The following ERCC6L2 variants were observed in gnomAD, a reference collection of about 807,000 sequenced individuals.
ERCC6L2 encodes DNA excision repair protein ERCC-6-like 2.
A neutral mutation model predicts 132.0 loss-of-function variants in ERCC6L2; 77 were observed. The observed-to-expected ratio is 0.58, with a 90% CI of 0.49 to 0.71. The LOEUF (loss-of-function observed/expected upper bound fraction) is 0.71, where lower values mean the gene tolerates loss of function less well. ERCC6L2 is among the 30% of genes least tolerant of loss of function. ERCC6L2 has a pLI of 0.00. For missense variants in ERCC6L2, 1,542 were observed against 1,837.6 expected (o/e 0.84, Z 2.94); for synonymous variants, 583 against 632.4 (o/e 0.92, Z 1.17).
rs113996992 is a variant in ERCC6L2, at chr9:95,906,070, G to A, written c.595-1008G>A. ...GTACAGGAAAGGTACATGAATGTGA[G>A]GAATAACCAGAGAGTTACGTTGGTA... On this transcript the variant is annotated intron_variant, in intron 3 of 18. Coordinates refer to ENST00000653738, the MANE Select transcript of ERCC6L2 (RefSeq NM_020207.7). Among the ~76,000 whole-genome samples the A allele has an allele frequency of 5.2e-3, 791 of 152,242 alleles. 12 individuals carry two copies. The highest frequency in any genetic ancestry group is 0.017 in the African/African-American group (706 of 41,562).
intron 16 of ERCC6L2, among the ~76,000 whole-genome samples, chr9:95,977,299 G>A (rs1832713433): frequency 6.6e-6 from 1 of 152,170 alleles, no homozygotes; most frequent in South Asian, 2.1e-4. Context: ...TTTTGTGTTT[G>A]CATGATTGGC....
intron 3 of ERCC6L2, among the ~76,000 whole-genome samples, chr9:95,901,379 A>G (rs1333325403): frequency 6.6e-6 from 1 of 152,132 alleles, no homozygotes; most frequent in African/African-American, 2.4e-5. Context: ...TTTGCTTTAG[A>G]AAATATATAT....
At position 95,970,568 on chromosome 9, in the gene ERCC6L2, CATT is replaced by C. The variant is rs1832368545; in HGVS notation, c.2101-5_2101-3del. 2.3e-6 allele frequency: 3 copies of C among 1,301,160 alleles called. No homozygotes were observed. The highest frequency in any genetic ancestry group is 3.0e-6 in the Non-Finnish European group (3 of 986,716). 80.6% of individuals were successfully genotyped at this position (1,301,160 alleles called of 1,614,324 possible). A position where few individuals can be genotyped will look rare whatever the true frequency, so the allele number is the denominator to read the frequency against. On this transcript the variant is annotated splice_polypyrimidine_tract_variant and splice_region_variant and intron_variant, in intron 14 of 18. Coordinates refer to ENST00000653738, the MANE Select transcript of ERCC6L2 (RefSeq NM_020207.7). The stretch of plus-strand genomic sequence containing the variant: ...AGCTATTTGCATTCTTTCTTACTGA[CATT>C]ATAGAGAGAAGGCCAAGTAGAAGCA...
rs1389042302 is a variant in ERCC6L2 at position 95,918,281 on chromosome 9, ATGT to A, written c.1158+1852_1158+1854del. 58 of 420,536 alleles carry A rather than the reference ATGT, an allele frequency of 1.4e-4. No individual in the cohort carries two copies. In the East Asian group the frequency reaches 1.5e-3, roughly 11 times the overall value. 26.1% of individuals were successfully genotyped at this position (420,536 alleles called of 1,614,324 possible). On this transcript the variant is annotated intron_variant, in intron 6 of 18. Coordinates refer to ENST00000653738, the MANE Select transcript of ERCC6L2 (RefSeq NM_020207.7). ...AAAGACCCACTACAGTGTAGCTGTG[ATGT>A]TGTTATTTGTCCTGATGTCAGTCTT...
rs1564276271 is a variant in ERCC6L2 at position 95,972,558 on chromosome 9, CT to C, written c.2808del (p.Val937Ter). 7.8e-7 allele frequency: 1 copy of C among 1,289,520 alleles called. No homozygotes were observed. Among genetic ancestry groups the C allele is most frequent in the Admixed American group, 2.3e-5 (1 of 43,466 alleles). 79.9% of individuals were successfully genotyped at this position (1,289,520 alleles called of 1,614,324 possible). A position where few individuals can be genotyped will look rare whatever the true frequency, so the allele number is the denominator to read the frequency against. ...EGSEDSETEH[T>X]VKTRNNDNSR... ...TCTGAGGATTCTGAAACAGAACACA[CT>C]GTAAAAACAAGAAATAATGATAATA... On this transcript the variant is annotated frameshift_variant, in exon 16 of 19. Coordinates refer to ENST00000653738, the MANE Select transcript of ERCC6L2 (RefSeq NM_020207.7). LOFTEE classifies it high-confidence loss of function.
Position 95,956,026 on chromosome 9 carries a change from C to T in ERCC6L2, c.1947+13C>T. ...GATATACAAGCAGGTAAATATGTTT[C>T]CCTTTTTCTGTTTCAGAGGTCAACA... On this transcript the variant is annotated intron_variant, in intron 13 of 18. Transcript: ENST00000653738. 1.3e-6 allele frequency: 2 copies of T among 1,484,840 alleles called. No homozygotes were observed. Among genetic ancestry groups the T allele is most frequent in the Non-Finnish European group, 1.8e-6 (2 of 1,085,316 alleles). 92.0% of individuals were successfully genotyped at this position (1,484,840 alleles called of 1,614,324 possible).
intron 15 of ERCC6L2, 111 bp from the exon 16 acceptor site, chr9:95,971,822 T>G (rs1832426301): frequency 6.9e-6 from 3 of 435,440 alleles, no homozygotes; most frequent in African/African-American, 2.1e-5. Flanking sequence ...TTAGAAAATA[T>G]TAAGTGATAT....
chr9:95,903,521 CT>C (rs1236174086), intron 3 of ERCC6L2, among the ~76,000 whole-genome samples: 5 of 151,736 alleles, frequency 3.3e-5, no homozygotes, highest in South Asian at 4.2e-4. Context: ...TTATTTACTT[CT>C]CTTTTTTAAT....
intron 2 of ERCC6L2, among the ~76,000 whole-genome samples, chr9:95,897,289 T>A (rs1028230128): frequency 6.6e-6 from 1 of 152,192 alleles, no homozygotes; most frequent in Non-Finnish European, 1.5e-5. Flanking sequence ...TTGCTCTAAT[T>A]TATTATATGA....
chr9:95,927,954 GA>G, intron 9 of ERCC6L2, 124 bp from the exon 10 acceptor site: 1 of 592,110 alleles, frequency 1.7e-6, no homozygotes. Flanking sequence ...AAAGGAATTA[GA>G]AAAAATGAAT....
chr9:96,017,638 T>A lies in ERCC6L2; in HGVS notation c.*4435T>A, dbSNP rs1834209924. 6.6e-6 allele frequency among the ~76,000 whole-genome samples: 1 copy of A among 152,200 alleles called. No individual in the cohort carries two copies. The highest frequency in any genetic ancestry group is 2.1e-4 in the South Asian group (1 of 4,828). On this transcript the variant is annotated 3_prime_UTR_variant, in exon 19 of 19. Coordinates refer to ENST00000653738, the MANE Select transcript of ERCC6L2 (RefSeq NM_020207.7). The stretch of plus-strand genomic sequence containing the variant: ...CTGGGCAGGACCCACCTGCCTGACC[T>A]TCTGTCCCCCTGGGACACAGTATTT...
At chr9:96,003,861 T>C (rs1833773148) in intron 17 of ERCC6L2, among the ~76,000 whole-genome samples, 1 of 152,256 alleles carries the variant, frequency 6.6e-6, no homozygotes, top group African/African-American at 2.4e-5. Context: ...TACCTATTCA[T>C]ACTGTATCAT....
intron 1 of ERCC6L2, among the ~76,000 whole-genome samples, chr9:95,878,836 T>G (rs1285668204): frequency 2.6e-5 from 4 of 151,730 alleles, no homozygotes; most frequent in African/African-American, 9.7e-5. Context: ...GGACATGAAC[T>G]CATCATTTTT....
In ERCC6L2 at chr9:96,012,310, GA is replaced by G. The variant is rs750286437; in HGVS notation, c.3762del (p.Glu1254AspfsTer6). On this transcript the variant is annotated frameshift_variant, in exon 19 of 19. Coordinates refer to ENST00000653738, the MANE Select transcript of ERCC6L2 (RefSeq NM_020207.7). LOFTEE classifies it low-confidence loss of function (END_TRUNC). Reference protein sequence around the residue: ...AKHITNATSEERQKMLRDFYA... With the variant: ...AKHITNATSEXRQKMLRDFYA... ...ACATATAACCAATGCCACATCAGAAGAACGACAGAAAATGCTAAGAGACTTT... is the reference window on the plus strand; with the variant it reads ...ACATATAACCAATGCCACATCAGAAGACGACAGAAAATGCTAAGAGACTTT... The G allele has an allele frequency of 1.0e-5, 14 of 1,355,032 alleles. No individual in the cohort carries two copies. The highest frequency in any genetic ancestry group is 3.0e-5 in the African/African-American group (2 of 67,562). The allele number at this position is 1,355,032 out of a possible 1,614,324, so 83.9% of individuals were successfully genotyped here. A position where few individuals can be genotyped will look rare whatever the true frequency, so the allele number is the denominator to read the frequency against.
At chr9:95,996,773 A>AT (rs1364213101) in intron 17 of ERCC6L2, among the ~76,000 whole-genome samples, 4 of 152,238 alleles carry the variant, frequency 2.6e-5, no homozygotes, top group African/African-American at 9.6e-5. Context: ...GCTACTCAGA[A>AT]AAGAAGATTC....
intron 14 of ERCC6L2, chr9:95,968,805 C>T (rs942176981): frequency 1.3e-5 from 2 of 151,892 alleles, no homozygotes; most frequent in Non-Finnish European, 2.9e-5. Flanking sequence ...GCTTTGCATA[C>T]ATAAAAGAAC....
intron 17 of ERCC6L2, among the ~76,000 whole-genome samples, chr9:95,999,895 A>AT (rs11315428): frequency 8.3e-4 from 118 of 142,524 alleles, no homozygotes; most frequent in South Asian, 1.1e-3. Flanking sequence ...TTAAGATACA[A>AT]TTTTTTTTTT....
intron 2 of ERCC6L2, among the ~76,000 whole-genome samples, chr9:95,887,197 T>TG (rs975214758): frequency 4.6e-5 from 7 of 150,894 alleles, no homozygotes; most frequent in South Asian, 2.1e-4. Context: ...GTAAGTGGGT[T>TG]GGGGGGGAGA....
downstream of ERCC6L2, chr9:96,021,385 TC>T (rs1338499140): frequency 1.0e-5 from 3 of 286,722 alleles, no homozygotes; most frequent in Admixed American, 1.5e-4. This position sits in a 1 kb window ranked among gnomAD's most constrained non-coding sequence, Gnocchi z 4.7. Flanking sequence ...GCCCAGTCCC[TC>T]CCGGGCAGGG....
Sources: gnomAD v4.1 joint callset for allele counts (sites outside exome capture counted in the v4.1 genomes callset) on GRCh38, gnomAD v4.1.1 for gene constraint, Gnocchi (gnomAD v3.1) non-coding constraint, MANE v1.5 for transcripts, NCBI Gene and HGNC (gene_info 2026-07-23, HGNC 2026-07-21) for gene names.